Variants in ABR observed in about 807,000 individuals in gnomAD.
The protein encoded by ABR is active breakpoint cluster region-related protein.
ABR carries 35 observed loss-of-function variants against 107.2 expected under a neutral mutation model. That is an observed-to-expected ratio of 0.33 (90% CI 0.25 to 0.43). ABR has a LOEUF of 0.43. ABR is among the 20% of genes least tolerant of loss of function. ABR has a pLI of 1.00. For missense variants in ABR, 815 were observed against 1,115.2 expected (o/e 0.73, Z 3.83); for synonymous variants, 498 against 462.0 (o/e 1.08, Z -1.00).
At chr17:1,131,072 C>T (rs1377317400) in intron 1 of ABR, among the ~76,000 whole-genome samples, 3 of 141,064 alleles carry the variant, frequency 2.1e-5, no homozygotes, top group Admixed American at 1.4e-4. Context: ...GCAGTGCCTG[C>T]CACGCACACA....
At chr17:1,012,414 C>A in intron 18 of ABR, 1 of 675,808 alleles carries the variant, frequency 1.5e-6, no homozygotes, top group South Asian at 1.5e-5. Context: ...CGTAGGCCCC[C>A]GGCTGACAGA....
rs1250903004 is a variant in ABR at position 1,025,918 on chromosome 17, C to CA, written c.1792-12755dup. 2.6e-5 allele frequency among the ~76,000 whole-genome samples: 4 copies of CA among 152,132 alleles called. No homozygotes were observed. In the East Asian group the frequency reaches 7.7e-4, roughly 29 times the overall value. On this transcript the variant is annotated intron_variant, in intron 16 of 22. Coordinates refer to ENST00000302538, the MANE Select transcript of ABR (RefSeq NM_021962.5). ...CACAGGCCAGAGGAACCAACTGGGG[C>CA]ATGGGGGAAGGAGGTGACAATGGCT...
chr17:1,160,282 CCACACACA>C (rs112524650), intron 1 of ABR, among the ~76,000 whole-genome samples: 1 of 148,804 alleles, frequency 6.7e-6, no homozygotes, highest in African/African-American at 2.5e-5. Context: ...CAAAAAAAAA[CCACACACA>C]CACACACACA....
intron 2 of ABR, among the ~76,000 whole-genome samples, chr17:1,104,444 T>A (rs1297689900): frequency 2.0e-5 from 3 of 152,162 alleles, no homozygotes; most frequent in African/African-American, 7.2e-5. Context: ...CAAGCAGGGC[T>A]GGCTCTCTGG....
At chr17:1,055,790 G>A (rs2033201071) in intron 14 of ABR, 1 of 468,520 alleles carries the variant, frequency 2.1e-6, no homozygotes, top group East Asian at 3.2e-5. Flanking sequence ...GCCTCCCAAA[G>A]TGCTGGGATT....
At position 1,058,818 on chromosome 17, in the gene ABR, ATCTTCT is replaced by A. The variant is rs773415018; in HGVS notation, c.1226_1231del (p.Lys409_Lys410del). 6.2e-7 allele frequency: 1 copy of A among 1,613,980 alleles called. No individual in the cohort carries two copies. The highest frequency in any genetic ancestry group is 8.5e-7 in the Non-Finnish European group (1 of 1,180,000). Reference sequence around the variant, plus strand: ...CAGCAGCAGGAACTCATTCTCAAACATCTTCTTCTTCAGGCGCTCGATGGCCCGGCT... The same window carrying A: ...CAGCAGCAGGAACTCATTCTCAAACATCTTCAGGCGCTCGATGGCCCGGCT... On this transcript the variant is annotated inframe_deletion, in exon 11 of 23. Transcript: ENST00000302538.
intron 1 of ABR, among the ~76,000 whole-genome samples, chr17:1,198,888 C>T (rs1175111411): frequency 1.3e-5 from 2 of 149,330 alleles, no homozygotes; most frequent in Non-Finnish European, 3.0e-5. Flanking sequence ...CCGCCTCAGC[C>T]TCCCAAAGTG....
chr17:1,076,714 C>CGGGGGGGGGGGGGGGGG (rs376868048), intron 6 of ABR, among the ~76,000 whole-genome samples: 2 of 42,138 alleles, frequency 4.7e-5, no homozygotes, highest in African/African-American at 1.7e-4. Context: ...GGCAGGTGCA[C>CGGGGGGGGGGGGGGGGG]GGGGGGGGTG....
At chr17:1,057,334 GTGTGTGTGTGTGTGTGTGTGTGTGT>G (rs2033421492) in intron 12 of ABR, among the ~76,000 whole-genome samples, 1 of 95,970 alleles carries the variant, frequency 1.0e-5, no homozygotes, top group Non-Finnish European at 2.5e-5. Context: ...GTGTGTGTGT[GTGTGTGTGTGTGTGTGTGTGTGTGT>G]GTGTGTGGTG....
intron 1 of ABR, among the ~76,000 whole-genome samples, chr17:1,207,831 G>GCGATCT (rs1400235457): frequency 6.6e-5 from 10 of 151,524 alleles, no homozygotes; most frequent in Non-Finnish European, 1.2e-4. Flanking sequence ...GTGCAGAGGT[G>GCGATCT]CGATCTCGGC....
At chr17:1,065,117 C>T (rs2034565068) in intron 10 of ABR, among the ~76,000 whole-genome samples, 1 of 68,796 alleles carries the variant, frequency 1.5e-5, no homozygotes, top group Non-Finnish European at 2.9e-5. Context: ...GAACTGAGGG[C>T]TATGCATGTT....
At position 1,037,473 on chromosome 17, in the gene ABR, C is replaced by A. The variant is rs11652068; in HGVS notation, c.1791+12577G>T. On this transcript the variant is annotated intron_variant, in intron 16 of 22. Transcript: ENST00000302538. This position sits in a 1 kb window ranked among gnomAD's most constrained non-coding sequence, Gnocchi z 4.6. ...CTGCAGGAGAAGTGTCCCGACAGCC[C>A]GTCCCTGGCAAACCCTAGCGATTCT... Among the ~76,000 whole-genome samples, 1 of 152,194 alleles carries A rather than the reference C, an allele frequency of 6.6e-6. No homozygotes were observed. Among genetic ancestry groups the A allele is most frequent in the Admixed American group, 6.5e-5 (1 of 15,282 alleles).
intron 1 of ABR, among the ~76,000 whole-genome samples, chr17:1,225,602 A>G (rs986281519): frequency 2.0e-5 from 3 of 152,152 alleles, no homozygotes; most frequent in Non-Finnish European, 1.5e-5. Flanking sequence ...CAGTGACCCG[A>G]GATGACGCCA....
chr17:1,049,313 G>C (rs999368336), intron 16 of ABR, among the ~76,000 whole-genome samples: 1 of 151,998 alleles, frequency 6.6e-6, no homozygotes, highest in African/African-American at 2.4e-5. Flanking sequence ...GATTACAGGC[G>C]CCCGCCACCA....
intron 1 of ABR, among the ~76,000 whole-genome samples, chr17:1,140,509 T>C (rs1028124386): frequency 1.3e-5 from 2 of 152,206 alleles, no homozygotes; most frequent in Non-Finnish European, 2.9e-5. Context: ...TCAGCAGGGA[T>C]GGTGGCTCAG....
At chr17:1,074,791 C>G (rs2035565193) in intron 6 of ABR, among the ~76,000 whole-genome samples, 1 of 152,140 alleles carries the variant, frequency 6.6e-6, no homozygotes, top group South Asian at 2.1e-4. Flanking sequence ...ATTAAAAATA[C>G]AAAAATTAGC....
chr17:1,037,949 G>A lies in ABR; in HGVS notation c.1791+12101C>T, dbSNP rs1279642904. ...AGCTCGGAACAGACACATGGTCTCC[G>A]GTGAGATTTCTTTTCTGCTGAGGAC... is the stretch of plus-strand genomic sequence containing the variant. On this transcript the variant is annotated intron_variant, in intron 16 of 22. Transcript: ENST00000302538. This position sits in a 1 kb window ranked among gnomAD's most constrained non-coding sequence, Gnocchi z 4.6. 1.3e-5 allele frequency among the ~76,000 whole-genome samples: 2 copies of A among 152,148 alleles called. No homozygotes were observed. The highest frequency in any genetic ancestry group is 1.9e-4 in the East Asian group (1 of 5,190).
intron 1 of ABR, among the ~76,000 whole-genome samples, chr17:1,162,372 T>C (rs2041335354): frequency 6.6e-6 from 1 of 152,208 alleles, no homozygotes; most frequent in African/African-American, 2.4e-5. Context: ...TTTCCTGGCG[T>C]GGGCCCCTCC....
rs1335555554 is a variant in ABR at position 1,011,860 on chromosome 17, G to C, written c.2087C>G (p.Ala696Gly). 6.3e-7 allele frequency: 1 copy of C among 1,584,780 alleles called. No individual in the cohort carries two copies. Among genetic ancestry groups the C allele is most frequent in the African/African-American group, 1.3e-5 (1 of 74,526 alleles). Residue 696 changes from alanine to glycine, a missense_variant, in exon 19 of 23, where the codon GCC (alanine) becomes GGC (glycine). Around this residue, in one of 5 missense-constraint regions of ABR, gnomAD observed 175 missense variants for 284.3 expected, o/e 0.62. Transcript: ENST00000302538. This position sits in a 1 kb window ranked among gnomAD's most constrained non-coding sequence, Gnocchi z 4.8. ...GVATDIQALK[A>G]VFDANNKDIL... ...CCCAGACTCACTGGCATCGAAGACGGCCTTGAGCGCCTGGATGTCCGTGGC... is the reference window on the plus strand; with the variant it reads ...CCCAGACTCACTGGCATCGAAGACGCCCTTGAGCGCCTGGATGTCCGTGGC...
Sources: gnomAD v4.1 joint callset for allele counts (sites outside exome capture counted in the v4.1 genomes callset) on GRCh38, gnomAD v4.1.1 for gene constraint, gnomAD v4.1.1 regional missense constraint, Gnocchi (gnomAD v3.1) non-coding constraint, MANE v1.5 for transcripts, NCBI Gene and HGNC (gene_info 2026-07-23, HGNC 2026-07-21) for gene names.